Variants in ARID3A observed in about 807,000 individuals in gnomAD.
ARID3A encodes AT-rich interaction domain 3A, also known as AT-rich interactive domain-containing protein 3A.
A neutral mutation model predicts 52.7 loss-of-function variants in ARID3A; 11 were observed. The ratio of observed to expected loss-of-function variants is 0.21; its 90% CI spans 0.13 to 0.35. The LOEUF (loss-of-function observed/expected upper bound fraction) is 0.35. Among genes scored for constraint, ARID3A ranks in the 10% least tolerant of loss-of-function variants. ARID3A has a pLI of 1.00. For synonymous variants in ARID3A, 404 were observed against 359.4 expected (o/e 1.12, Z -1.40); for missense variants, 721 against 838.5 (o/e 0.86, Z 1.73).
chr19:967,211 T>G (rs777812790), intron 7 of ARID3A, among the ~76,000 whole-genome samples: 17 of 151,756 alleles, frequency 1.1e-4, no homozygotes, highest in East Asian at 1.9e-4. Flanking sequence ...TGACCCGAGA[T>G]AACGCCACTG....
At position 947,590 on chromosome 19, in the gene ARID3A, C is replaced by T. The variant is rs547732105; in HGVS notation, c.694-12502C>T. On this transcript the variant is annotated intron_variant, in intron 3 of 8. Coordinates refer to ENST00000263620, the MANE Select transcript of ARID3A (RefSeq NM_005224.3). This position sits in a 1 kb window ranked among gnomAD's most constrained non-coding sequence, Gnocchi z 6.3. Reference sequence around the variant, plus strand: ...TGAGAAGACCGAGGTGCCAGGGTGGCGATCGCACGAAGGGCCCGTCACGGG... The same window carrying T: ...TGAGAAGACCGAGGTGCCAGGGTGGTGATCGCACGAAGGGCCCGTCACGGG... 3.4e-4 allele frequency among the ~76,000 whole-genome samples: 52 copies of T among 152,276 alleles called. No individual in the cohort carries two copies. The South Asian group carries it at 0.011, about 31-fold the overall frequency.
At chr19:936,358 G>A (rs2037439125) in intron 3 of ARID3A, among the ~76,000 whole-genome samples, 1 of 151,986 alleles carries the variant, frequency 6.6e-6, no homozygotes, top group Non-Finnish European at 1.5e-5. Flanking sequence ...TTCTACACCA[G>A]CCTGGGCGGT....
rs2038323402 is a variant in ARID3A at position 973,442 on chromosome 19, A to C, written c.*1377A>C. ...CTGGAAATCTTATCTAAAAAGTAGC[A>C]AGTGCTGGAAAAAGGGCCTGGGGGG... is the stretch of plus-strand genomic sequence containing the variant. On this transcript the variant is annotated 3_prime_UTR_variant, in exon 9 of 9. Transcript: ENST00000263620. 4.9e-6 allele frequency: 1 copy of C among 204,592 alleles called. No individual in the cohort carries two copies. Among genetic ancestry groups the C allele is most frequent in the Admixed American group, 6.0e-5 (1 of 16,684 alleles). The allele number at this position is 204,592 out of a possible 1,614,324, so 12.7% of individuals were successfully genotyped here.
Position 966,885 on chromosome 19 carries a change from C to G in ARID3A, c.1495+17C>G, listed in dbSNP as rs369511899. The G allele has an allele frequency of 2.4e-5, 38 of 1,588,838 alleles. No individual in the cohort carries two copies. The African/African-American group carries it at 2.9e-4, about 12-fold the overall frequency. ...ACAGCCAAGGTACTGCCCTCGTGCCCAGACCCGCTGTGCTTCCTGCGTGTG... is the reference window on the plus strand; with the variant it reads ...ACAGCCAAGGTACTGCCCTCGTGCCGAGACCCGCTGTGCTTCCTGCGTGTG... On this transcript the variant is annotated intron_variant, in intron 7 of 8. Coordinates refer to ENST00000263620, the MANE Select transcript of ARID3A (RefSeq NM_005224.3).
intron 7 of ARID3A, among the ~76,000 whole-genome samples, chr19:968,180 G>A (rs904333913): frequency 6.6e-6 from 1 of 151,944 alleles, no homozygotes; most frequent in African/African-American, 2.4e-5. Flanking sequence ...CCAACATGGT[G>A]AAACCCCATC....
intron 3 of ARID3A, among the ~76,000 whole-genome samples, chr19:949,463 C>T (rs577685790): frequency 1.3e-5 from 2 of 152,222 alleles, no homozygotes; most frequent in Admixed American, 6.5e-5. Context: ...AGAGAGGGGC[C>T]GGAAAGGGGA....
rs114369414 is a variant in ARID3A at position 954,357 on chromosome 19, T to C, written c.694-5735T>C. Among the ~76,000 whole-genome samples the C allele has an allele frequency of 4.9e-3, 741 of 152,044 alleles. 5 individuals are homozygous for C. The highest frequency in any genetic ancestry group is 0.017 in the African/African-American group (698 of 41,472). ...GGTAATTAGGGGTCCACACCTTCCA[T>C]CCCCCACAGCAGGAAGTGGACAGAG... On this transcript the variant is annotated intron_variant, in intron 3 of 8. Transcript: ENST00000263620.
intron 2 of ARID3A, among the ~76,000 whole-genome samples, chr19:931,640 G>A (rs1173759583): frequency 2.0e-5 from 3 of 151,830 alleles, no homozygotes; most frequent in Non-Finnish European, 4.4e-5. Context: ...GTGAAACCCC[G>A]TCTCCACTAA....
At chr19:934,148 C>T (rs1228014402) in intron 3 of ARID3A, among the ~76,000 whole-genome samples, 1 of 152,132 alleles carries the variant, frequency 6.6e-6, no homozygotes, top group Non-Finnish European at 1.5e-5. Context: ...GCTGGAGGGG[C>T]GGGCAGGAGC....
chr19:969,349 C>T (rs953521684), intron 8 of ARID3A, among the ~76,000 whole-genome samples: 5 of 151,332 alleles, frequency 3.3e-5, no homozygotes, highest in East Asian at 2.0e-4. Flanking sequence ...CCAGTCTGGG[C>T]AACATAGTGA....
In ARID3A at chr19:968,417, G is replaced by A. The variant is rs143256319; in HGVS notation, c.1508G>A (p.Arg503His). 2.7e-5 allele frequency: 43 copies of A among 1,613,620 alleles called. No individual in the cohort carries two copies. Among genetic ancestry groups the A allele is most frequent in the South Asian group, 4.4e-5 (4 of 91,062 alleles). The change falls in exon 8 of 9, where the codon CGC becomes CAC. Residue 503 changes from arginine to histidine, a missense_variant. Around this residue, in one of 5 missense-constraint regions of ARID3A, gnomAD observed 297 missense variants for 343.2 expected, o/e 0.87. Transcript: ENST00000263620. ...CTTCTTCCCACAGCCTCCGAAAGCC[G>A]CCAGGACTCTGCTGTGAACCTGACG... ...IRINSQASES[R>H]QDSAVNLTGT...
chr19:964,797 C>T lies in ARID3A; in HGVS notation c.951-36C>T. 6.3e-7 allele frequency: 1 copy of T among 1,599,754 alleles called. No homozygotes were observed. Among genetic ancestry groups the T allele is most frequent in the South Asian group, 1.1e-5 (1 of 89,762 alleles). On this transcript the variant is annotated intron_variant, in intron 5 of 8. Coordinates refer to ENST00000263620, the MANE Select transcript of ARID3A (RefSeq NM_005224.3). The surrounding 1 kb of genome is among the most constrained non-coding windows in gnomAD (Gnocchi z 5.7). ...AGGCCAAAGAGAGCCGTAGGGGTGA[C>T]CCGGGTGCCATCCTCTTCCCTCGTC...
In ARID3A at chr19:974,590, G is replaced by A. The variant is rs1385393692; in HGVS notation, c.*2525G>A. The stretch of plus-strand genomic sequence containing the variant: ...CTGGGGTGCCTCTCCCCCGCCTCCC[G>A]TGCACCAGGGTCTGCAGCAGCCACT... On this transcript the variant is annotated 3_prime_UTR_variant, in exon 9 of 9. Transcript: ENST00000263620. The A allele has an allele frequency of 4.8e-5, 11 of 229,530 alleles. No homozygotes were observed. The highest frequency in any genetic ancestry group is 2.3e-4 in the Admixed American group (4 of 17,626). 14.2% of individuals were successfully genotyped at this position (229,530 alleles called of 1,614,324 possible).
Position 959,381 on chromosome 19 carries a change from C to T in ARID3A, c.694-711C>T, listed in dbSNP as rs2037992421. On this transcript the variant is annotated intron_variant, in intron 3 of 8. Coordinates refer to ENST00000263620, the MANE Select transcript of ARID3A (RefSeq NM_005224.3). The surrounding 1 kb of genome is among the most constrained non-coding windows in gnomAD (Gnocchi z 5.0). ...CTCCACTGCCCAGGCTCAAGCAATC[C>T]TCCCACCTCAGCCTCCCGAGTAGCC... Among the ~76,000 whole-genome samples, 1 of 152,188 alleles carries T rather than the reference C, an allele frequency of 6.6e-6. No homozygotes were observed. Among genetic ancestry groups the T allele is most frequent in the African/African-American group, 2.4e-5 (1 of 41,440 alleles).
intron 7 of ARID3A, among the ~76,000 whole-genome samples, chr19:967,429 C>T (rs1460155806): frequency 2.0e-5 from 3 of 152,062 alleles, no homozygotes; most frequent in South Asian, 4.1e-4. Flanking sequence ...CGTGGTGACA[C>T]GCTCCTGTAG....
chr19:968,344 G>A, intron 7 of ARID3A, 61 bp from the exon 8 acceptor site: 1 of 1,466,500 alleles, frequency 6.8e-7, no homozygotes, highest in Non-Finnish European at 9.4e-7. Context: ...GGGCAACAGA[G>A]CAAGACTCTG....
Position 966,857 on chromosome 19 carries a change from T to A in ARID3A, c.1484T>A (p.Ile495Asn). 1.2e-6 allele frequency: 2 copies of A among 1,609,442 alleles called. No individual in the cohort carries two copies. Among genetic ancestry groups the A allele is most frequent in the Non-Finnish European group, 1.7e-6 (2 of 1,176,966 alleles). ...MAAQLPMSIR[I>N]NSQASESRQD... Reference sequence around the variant, plus strand: ...GCCCAGCTGCCCATGAGCATTCGGATCAACAGCCAAGGTACTGCCCTCGTG... The same window carrying A: ...GCCCAGCTGCCCATGAGCATTCGGAACAACAGCCAAGGTACTGCCCTCGTG... Residue 495 changes from isoleucine to asparagine, a missense_variant, in exon 7 of 9, where the codon ATC becomes AAC. This residue lies in a region of ARID3A where 297 missense variants were observed against 343.2 expected (regional missense o/e 0.87). Transcript: ENST00000263620.
At chr19:955,105 C>T (rs1041363349) in intron 3 of ARID3A, among the ~76,000 whole-genome samples, 2 of 152,160 alleles carry the variant, frequency 1.3e-5, no homozygotes, top group South Asian at 2.1e-4. Flanking sequence ...CAGGTGAGAA[C>T]CAAGGCCTGG....
intron 3 of ARID3A, among the ~76,000 whole-genome samples, chr19:937,841 G>C (rs1331178810): frequency 1.3e-5 from 2 of 151,430 alleles, no homozygotes; most frequent in African/African-American, 4.9e-5. Flanking sequence ...CGAGTAGCTG[G>C]GACTACAGGC....
Sources: gnomAD v4.1 joint callset for allele counts (sites outside exome capture counted in the v4.1 genomes callset) on GRCh38, gnomAD v4.1.1 for gene constraint, gnomAD v4.1.1 regional missense constraint, Gnocchi (gnomAD v3.1) non-coding constraint, MANE v1.5 for transcripts, NCBI Gene and HGNC (gene_info 2026-07-23, HGNC 2026-07-21) for gene names.